The following SCN1A variants were observed in gnomAD, a reference collection of about 807,000 sequenced individuals.
SCN1A encodes sodium channel protein type 1 subunit alpha.
In SCN1A, 13 loss-of-function variants were observed where a neutral mutation model predicts 193.7. The ratio of observed to expected loss-of-function variants is 0.07; its 90% CI spans 0.04 to 0.11. SCN1A has a LOEUF of 0.11. SCN1A is among the 10% of genes least tolerant of loss of function. The probability of loss-of-function intolerance (pLI) is 1.00; values close to 1 mark genes in which losing one functional copy is unlikely to be tolerated. For missense variants in SCN1A, 1,432 were observed against 2,451.1 expected (o/e 0.58, Z 8.78); for synonymous variants, 781 against 843.6 (o/e 0.93, Z 1.29).
intron 2 of SCN1A, 142 bp from the exon 3 acceptor site, chr2:166,077,943 C>T (rs1019085268): frequency 5.3e-5 from 8 of 151,844 alleles, no homozygotes; most frequent in Non-Finnish European, 1.0e-4. Flanking sequence ...ATACATATTA[C>T]TAATTGAAAG....
rs1558901244 is a variant in SCN1A at position 166,125,636 on chromosome 2, CCT to C, written c.-142+1286_-142+1287del. On this transcript the variant is annotated intron_variant, in intron 2 of 28. Coordinates refer to ENST00000674923, the MANE Select transcript of SCN1A (RefSeq NM_001165963.4). ...GAACTAGAATGTTTCTTACTGGATT[CCT>C]CTGTTGGTGGTGATAGAGTTTACTT... Among the ~76,000 whole-genome samples, 8 of 152,244 alleles carry C rather than the reference CCT, an allele frequency of 5.3e-5. No individual in the cohort carries two copies. In the South Asian group the frequency reaches 1.5e-3, roughly 28 times the overall value.
At chr2:166,128,745 T>C (rs1046386727), upstream of SCN1A, among the ~76,000 whole-genome samples, 2 of 152,182 alleles carry the variant, frequency 1.3e-5, no homozygotes, top group East Asian at 3.8e-4. Flanking sequence ...TTAATTATAA[T>C]AACACATTTT....
intron 19 of SCN1A, among the ~76,000 whole-genome samples, chr2:166,024,414 G>T (rs752806897): frequency 9.9e-5 from 15 of 152,120 alleles, no homozygotes; most frequent in Admixed American, 2.0e-4. Flanking sequence ...AAGATACCAT[G>T]TTCTGAGATT....
chr2:166,041,196 G>A lies in SCN1A; in HGVS notation c.2415+35C>T, dbSNP rs749029524. ...AAACAGTTTTTCAAGCAGAAAATTTGAAGACTAAACACATTTACCTTCCAA... is the reference window on the plus strand; with the variant it reads ...AAACAGTTTTTCAAGCAGAAAATTTAAAGACTAAACACATTTACCTTCCAA... On this transcript the variant is annotated intron_variant, in intron 16 of 28. Coordinates refer to ENST00000674923, the MANE Select transcript of SCN1A (RefSeq NM_001165963.4). 4.8e-6 allele frequency: 7 copies of A among 1,445,908 alleles called. No homozygotes were observed. In the South Asian group the frequency reaches 8.0e-5, roughly 17 times the overall value. 89.6% of individuals were successfully genotyped at this position (1,445,908 alleles called of 1,614,324 possible). A position where few individuals can be genotyped will look rare whatever the true frequency, so the allele number is the denominator to read the frequency against.
rs142571794 is a variant in SCN1A at position 166,045,295 on chromosome 2, G to C, written c.1410C>G (p.Ser470=). ...QAATATASEH[S]REPSAAGRLS... ...GCCTGCCTGCTGCACTGGGCTCTCT[G>C]GAATGTTCTGAGGCAGTTGCCGTTG... The change falls in exon 13 of 29, where the codon TCC becomes TCG. Residue 470 remains serine, a synonymous_variant. Coordinates refer to ENST00000674923, the MANE Select transcript of SCN1A (RefSeq NM_001165963.4). The C allele has an allele frequency of 6.2e-7, 1 of 1,614,142 alleles. No individual in the cohort carries two copies. The highest frequency in any genetic ancestry group is 8.5e-7 in the Non-Finnish European group (1 of 1,180,030).
intron 19 of SCN1A, 168 bp from the exon 20 acceptor site, chr2:166,015,895 T>A: frequency 1.4e-6 from 1 of 697,128 alleles, no homozygotes; most frequent in Non-Finnish European, 2.4e-6. Flanking sequence ...AATCATTGTC[T>A]GTGCTAACCC....
At chr2:166,132,375 G>C (rs1175012175), upstream of SCN1A, among the ~76,000 whole-genome samples, 1 of 47,178 alleles carries the variant, frequency 2.1e-5, no homozygotes, top group Non-Finnish European at 4.9e-5. Context: ...CAATTTCCTA[G>C]TGGTTTTTTT....
rs1238612161 is a variant in SCN1A, at chr2:165,992,093, C to G, written c.5182G>C (p.Gly1728Arg). The G allele has an allele frequency of 6.2e-7, 1 of 1,613,888 alleles. No homozygotes were observed. The change falls in exon 29 of 29, where the codon GGA becomes CGA. Residue 1728 changes from glycine to arginine, a missense_variant. By Grantham distance (125) the Gly-to-Arg change is moderately radical (BLOSUM62 -2). This residue lies in a region of SCN1A where 85 missense variants were observed against 213.2 expected (regional missense o/e 0.40). Coordinates refer to ENST00000674923, the MANE Select transcript of SCN1A (RefSeq NM_001165963.4). This position sits in a 1 kb window ranked among gnomAD's most constrained non-coding sequence, Gnocchi z 6.5. ...FQITTSAGWD[G>R]LLAPILNSKP... ...CTGTTGAGAATGGGTGCTAGCAATC[C>G]ATCCCAGCCAGCAGAGGTTGTAATT...
chr2:166,064,903 T>C (rs1265489894), intron 4 of SCN1A, among the ~76,000 whole-genome samples: 1 of 152,188 alleles, frequency 6.6e-6, no homozygotes, highest in Non-Finnish European at 1.5e-5. Flanking sequence ...ACACAAAATG[T>C]AGAATATACT....
chr2:166,043,640 C>A (rs1467985088), intron 14 of SCN1A, 29 bp downstream of exon 14: 2 of 1,593,496 alleles, frequency 1.3e-6, no homozygotes, highest in South Asian at 2.3e-5. Flanking sequence ...GTGAGCCAGC[C>A]ATGCCTGAAC....
chr2:166,034,470 G>T (rs1450735674), intron 19 of SCN1A, among the ~76,000 whole-genome samples: 2 of 152,136 alleles, frequency 1.3e-5, no homozygotes, highest in African/African-American at 4.8e-5. Flanking sequence ...CTAATAAAAT[G>T]TCTTTAATGT....
intron 7 of SCN1A, among the ~76,000 whole-genome samples, chr2:166,053,956 A>C (rs929084011): frequency 6.6e-6 from 1 of 151,890 alleles, no homozygotes; most frequent in Non-Finnish European, 1.5e-5. Context: ...TGAATAGGAG[A>C]TAAGGATAAG....
chr2:166,140,094 G>A (rs1692021162), intron 1 of SCN1A, among the ~76,000 whole-genome samples: 1 of 152,012 alleles, frequency 6.6e-6, no homozygotes, highest in African/African-American at 2.4e-5. Flanking sequence ...TATAAATGAG[G>A]CAACTGAGGC....
intron 22 of SCN1A, among the ~76,000 whole-genome samples, chr2:166,010,732 C>T (rs1366317590): frequency 6.6e-6 from 1 of 150,942 alleles, no homozygotes; most frequent in Non-Finnish European, 1.5e-5. Flanking sequence ...TTAATTGTAT[C>T]ATATTTAATA....
chr2:166,118,937 G>A (rs1690220374), intron 2 of SCN1A, among the ~76,000 whole-genome samples: 2 of 152,216 alleles, frequency 1.3e-5, no homozygotes, highest in African/African-American at 4.8e-5. Flanking sequence ...TGGTTTTGTG[G>A]AAGACAGTTG....
chr2:166,074,852 G>A (rs1684835708), intron 3 of SCN1A, among the ~76,000 whole-genome samples: 1 of 152,130 alleles, frequency 6.6e-6, no homozygotes, highest in African/African-American at 2.4e-5. Flanking sequence ...CAAATTTCAA[G>A]GAGGTTCTCA....
chr2:166,037,766 G>A lies in SCN1A; in HGVS notation c.2946+10C>T, dbSNP rs1574179707. The A allele has an allele frequency of 6.2e-6, 10 of 1,612,972 alleles. No homozygotes were observed. The highest frequency in any genetic ancestry group is 8.5e-6 in the Non-Finnish European group (10 of 1,179,064). On this transcript the variant is annotated intron_variant, in intron 18 of 28. Coordinates refer to ENST00000674923, the MANE Select transcript of SCN1A (RefSeq NM_001165963.4). ...TATTTCCAAAATGCATATCTTAAGTGGGTACATACCACTAGGTTTCCAATC... is the reference window on the plus strand; with the variant it reads ...TATTTCCAAAATGCATATCTTAAGTAGGTACATACCACTAGGTTTCCAATC...
intron 1 of SCN1A, among the ~76,000 whole-genome samples, chr2:166,140,760 G>T (rs893236544): frequency 6.6e-6 from 1 of 151,560 alleles, no homozygotes; most frequent in African/African-American, 2.4e-5. Flanking sequence ...ATTTAATTAG[G>T]TGTTTTTTTC....
intron 2 of SCN1A, among the ~76,000 whole-genome samples, chr2:166,104,868 A>G (rs1222972298): frequency 6.6e-6 from 1 of 152,246 alleles, no homozygotes; most frequent in South Asian, 2.1e-4. Context: ...TGTTGCCAGT[A>G]TGCTGTTGTA....
Sources: gnomAD v4.1 joint callset for allele counts (sites outside exome capture counted in the v4.1 genomes callset) on GRCh38, gnomAD v4.1.1 for gene constraint, gnomAD v4.1.1 regional missense constraint, Gnocchi (gnomAD v3.1) non-coding constraint, MANE v1.5 for transcripts, NCBI Gene and HGNC (gene_info 2026-07-23, HGNC 2026-07-21) for gene names.